ANKRD44: variants seen among roughly 807,000 people sequenced by gnomAD.
ANKRD44 encodes the protein ankyrin repeat domain 44.
In ANKRD44, 35 loss-of-function variants were observed where a neutral mutation model predicts 116.0. That is an observed-to-expected ratio of 0.30 (90% CI 0.23 to 0.40). The LOEUF (loss-of-function observed/expected upper bound fraction) is 0.40. ANKRD44 is among the 10% of genes least tolerant of loss of function. The pLI is 1.00. For missense variants in ANKRD44, 1,014 were observed against 1,242.6 expected (o/e 0.82, Z 2.77); for synonymous variants, 435 against 461.8 (o/e 0.94, Z 0.74).
intron 16 of ANKRD44, among the ~76,000 whole-genome samples, chr2:197,074,823 G>A (rs2077631876): frequency 6.6e-6 from 1 of 152,138 alleles, no homozygotes; most frequent in South Asian, 2.1e-4. Context: ...TCAGAGCCGG[G>A]TGGTAATGGT....
At chr2:197,281,784 T>C (rs1409394481) in intron 1 of ANKRD44, among the ~76,000 whole-genome samples, 1 of 152,208 alleles carries the variant, frequency 6.6e-6, no homozygotes, top group African/African-American at 2.4e-5. Flanking sequence ...CCCAGAAATT[T>C]AAAACTGCTC....
At chr2:197,016,293 A>T (rs2076392306) in intron 17 of ANKRD44, among the ~76,000 whole-genome samples, 1 of 152,178 alleles carries the variant, frequency 6.6e-6, no homozygotes, top group African/African-American at 2.4e-5. Context: ...TATCTGTCGT[A>T]GCTTTATCTT....
intron 1 of ANKRD44, among the ~76,000 whole-genome samples, chr2:197,276,149 C>A (rs2083075394): frequency 6.6e-6 from 1 of 151,846 alleles, no homozygotes. Flanking sequence ...GTGGCACGCA[C>A]CTGTAATCCC....
At chr2:197,159,022 C>A (rs977290557) in intron 2 of ANKRD44, among the ~76,000 whole-genome samples, 1 of 151,872 alleles carries the variant, frequency 6.6e-6, no homozygotes, top group Non-Finnish European at 1.5e-5. Context: ...CACACATACA[C>A]ACGGTATTAG....
intron 2 of ANKRD44, 104 bp downstream of exon 2, chr2:197,186,919 G>A: frequency 1.2e-6 from 1 of 863,460 alleles, no homozygotes; most frequent in South Asian, 1.5e-5. Flanking sequence ...AAACAGTCTG[G>A]AGCTTTCACC....
chr2:197,263,923 T>A (rs2082676046), intron 1 of ANKRD44, among the ~76,000 whole-genome samples: 2 of 146,090 alleles, frequency 1.4e-5, no homozygotes, highest in Admixed American at 1.4e-4. Context: ...GCTAACGGAA[T>A]AAGATGTTTT....
intron 9 of ANKRD44, among the ~76,000 whole-genome samples, chr2:197,108,641 C>G (rs572279375): frequency 1.5e-3 from 227 of 152,212 alleles, no homozygotes; most frequent in African/African-American, 5.2e-3. Context: ...GAGTTGAGAC[C>G]AGCCTGGTCA....
chr2:197,051,111 C>T (rs527854127), intron 16 of ANKRD44, among the ~76,000 whole-genome samples: 1 of 151,386 alleles, frequency 6.6e-6, no homozygotes, highest in Non-Finnish European at 1.5e-5. Flanking sequence ...TACAGGCACA[C>T]ACCACCATGT....
chr2:197,111,024 C>T (rs1191854087), intron 8 of ANKRD44, among the ~76,000 whole-genome samples, 180 bp from the exon 9 acceptor site: 2 of 152,076 alleles, frequency 1.3e-5, no homozygotes, highest in Non-Finnish European at 2.9e-5. Flanking sequence ...GTACTCCAGC[C>T]TGGGTGACAG....
chr2:197,103,608 C>T (rs1049988068), intron 9 of ANKRD44, among the ~76,000 whole-genome samples: 6 of 151,990 alleles, frequency 3.9e-5, no homozygotes, highest in Non-Finnish European at 7.4e-5. Context: ...CCTATATATG[C>T]TAGGATAAGT....
At chr2:197,045,226 G>A (rs1237804287) in intron 16 of ANKRD44, among the ~76,000 whole-genome samples, 1 of 151,928 alleles carries the variant, frequency 6.6e-6, no homozygotes, top group African/African-American at 2.4e-5. Context: ...TTCTACCTGA[G>A]CTGATAATTC....
intron 16 of ANKRD44, chr2:197,078,436 A>T (rs2077721128): frequency 2.4e-6 from 2 of 836,068 alleles, no homozygotes; most frequent in Admixed American, 7.0e-5. Flanking sequence ...AGGAGGCAGA[A>T]ATGGTACTGC....
intron 22 of ANKRD44, among the ~76,000 whole-genome samples, chr2:197,000,908 C>T (rs1025125950): frequency 3.9e-5 from 6 of 152,112 alleles, no homozygotes; most frequent in South Asian, 2.1e-4. Context: ...CGTGGTGGCG[C>T]GCACCTGTAG....
intron 16 of ANKRD44, among the ~76,000 whole-genome samples, chr2:197,067,138 C>A (rs1468630674): frequency 6.6e-6 from 1 of 152,150 alleles, no homozygotes; most frequent in African/African-American, 2.4e-5. Context: ...CACACATCTA[C>A]AACTATCTGA....
intron 21 of ANKRD44, among the ~76,000 whole-genome samples, chr2:196,979,585 C>CA (rs1458102576): frequency 2.2e-4 from 16 of 71,774 alleles, no homozygotes; most frequent in Non-Finnish European, 1.7e-4. Flanking sequence ...TTTTTTAAGA[C>CA]AGAGTTTGGC....
At chr2:197,192,514 G>A (rs1472899384) in intron 1 of ANKRD44, among the ~76,000 whole-genome samples, 2 of 152,202 alleles carry the variant, frequency 1.3e-5, no homozygotes, top group African/African-American at 4.8e-5. Context: ...AGATGGGAGT[G>A]TGTTATCAGT....
chr2:197,128,363 G>A (rs567399022), intron 4 of ANKRD44, among the ~76,000 whole-genome samples: 1 of 152,164 alleles, frequency 6.6e-6, no homozygotes, highest in East Asian at 1.9e-4. Context: ...ATCTCATTGT[G>A]GTTTTGATTT....
chr2:197,091,024 C>A (rs2078031404), intron 10 of ANKRD44, among the ~76,000 whole-genome samples: 1 of 152,268 alleles, frequency 6.6e-6, no homozygotes, highest in Non-Finnish European at 1.5e-5. Flanking sequence ...AGCTCAGGAA[C>A]CACAAGTGCA....
At chr2:197,155,417 G>A (rs538359163) in intron 2 of ANKRD44, among the ~76,000 whole-genome samples, 27 of 152,032 alleles carry the variant, frequency 1.8e-4, no homozygotes, top group Non-Finnish European at 3.4e-4. Context: ...TAATTAGCAT[G>A]CTTGCCCTAA....
Sources: allele counts gnomAD v4.1 joint callset (sites outside exome capture counted in the v4.1 genomes callset), GRCh38; gene constraint gnomAD v4.1.1; transcripts MANE v1.5; gene names NCBI Gene and HGNC (gene_info 2026-07-23, HGNC 2026-07-21).